Variants in ADK observed in about 807,000 individuals in gnomAD.
ADK encodes the protein adenosine kinase, also known as N6,N6-dimethyladenosine kinase.
ADK carries 24 observed loss-of-function variants against 44.7 expected under a neutral mutation model. That is an observed-to-expected ratio of 0.54 (90% CI 0.39 to 0.76). The LOEUF is 0.76. Among genes scored for constraint, ADK ranks in the 30% least tolerant of loss-of-function variants. ADK has a pLI of 0.00. For missense variants in ADK, 321 were observed against 425.1 expected, an observed-to-expected ratio of 0.76 and a Z score of 2.15; for synonymous variants, 128 against 142.6, an observed-to-expected ratio of 0.90 and a Z score of 0.73.
intron 4 of ADK, among the ~76,000 whole-genome samples, chr10:74,328,078 T>G (rs1841080919): frequency 6.6e-6 from 1 of 152,068 alleles, no homozygotes; most frequent in Non-Finnish European, 1.5e-5. Flanking sequence ...TCAGGCAATT[T>G]TTGTATTTTT....
intron 4 of ADK, chr10:74,344,540 T>TCTATCATGGTTGGA (rs1841696241): frequency 8.3e-6 from 2 of 240,400 alleles, no homozygotes; most frequent in South Asian, 1.5e-4. Flanking sequence ...CTAGGACTTC[T>TCTATCATGGTTGGA]CTATCATGGT....
At chr10:74,637,933 A>G (rs1282832733) in intron 9 of ADK, among the ~76,000 whole-genome samples, 1 of 152,208 alleles carries the variant, frequency 6.6e-6, no homozygotes, top group Non-Finnish European at 1.5e-5. Context: ...CCAGTTGTAC[A>G]CTTAAATAGT....
chr10:74,199,531 A>G (rs1374190752), intron 1 of ADK, among the ~76,000 whole-genome samples: 2 of 152,000 alleles, frequency 1.3e-5, no homozygotes, highest in Non-Finnish European at 2.9e-5. Context: ...TTCTTTTTTT[A>G]TGGCTGCATA....
At chr10:74,604,260 T>C (rs913822593) in intron 9 of ADK, among the ~76,000 whole-genome samples, 1 of 152,234 alleles carries the variant, frequency 6.6e-6, no homozygotes, top group African/African-American at 2.4e-5. Context: ...TTTAATTGGA[T>C]CCCATTTGTC....
rs1589220251 is a variant in ADK, at chr10:74,528,156, G to A, written c.726+2730G>A. Reference sequence around the variant, plus strand: ...ACAAACCTGAAAGTATAGATCAGAAGTTTCACTTGTTTCTCAGTTATTGAA... The same window carrying A: ...ACAAACCTGAAAGTATAGATCAGAAATTTCACTTGTTTCTCAGTTATTGAA... On this transcript the variant is annotated intron_variant, in intron 7 of 10. Transcript: ENST00000539909. 9.0e-6 allele frequency: 9 copies of A among 1,002,936 alleles called. No homozygotes were observed. The East Asian group carries it at 2.3e-4, about 26-fold the overall frequency. 62.1% of individuals were successfully genotyped at this position (1,002,936 alleles called of 1,614,324 possible).
intron 1 of ADK, chr10:74,176,967 C>G: frequency 6.3e-7 from 1 of 1,580,024 alleles, no homozygotes; most frequent in South Asian, 1.1e-5. Flanking sequence ...CTCCTTCTCG[C>G]GGGTGGTCTG....
At chr10:74,306,573 C>A (rs1177683283) in intron 3 of ADK, among the ~76,000 whole-genome samples, 1 of 152,186 alleles carries the variant, frequency 6.6e-6, no homozygotes, top group Non-Finnish European at 1.5e-5. Flanking sequence ...TATTTACCAA[C>A]ACTTTATATG....
At chr10:74,225,492 TA>T (rs1844500415) in intron 3 of ADK, among the ~76,000 whole-genome samples, 1 of 152,212 alleles carries the variant, frequency 6.6e-6, no homozygotes. Context: ...ACTTCAAGAC[TA>T]TTATTTTCTT....
intron 7 of ADK, among the ~76,000 whole-genome samples, chr10:74,550,390 ACT>A (rs2133776360): frequency 6.6e-6 from 1 of 151,826 alleles, no homozygotes; most frequent in South Asian, 2.1e-4. Context: ...ATCACTTTTG[ACT>A]CTGCCTTCAA....
chr10:74,326,489 CT>C (rs1243957176), intron 4 of ADK, among the ~76,000 whole-genome samples: 3 of 150,870 alleles, frequency 2.0e-5, no homozygotes, highest in African/African-American at 7.3e-5. Context: ...GTCTGAGCTA[CT>C]TGGGAGGCCT....
intron 10 of ADK, among the ~76,000 whole-genome samples, chr10:74,679,902 G>C (rs1298151260): frequency 2.0e-5 from 3 of 152,028 alleles, no homozygotes; most frequent in Non-Finnish European, 4.4e-5. Context: ...AGGTTGCAGT[G>C]AGCTGGGATG....
chr10:74,192,880 A>G (rs955211045), intron 1 of ADK, among the ~76,000 whole-genome samples: 4 of 152,176 alleles, frequency 2.6e-5, no homozygotes, highest in African/African-American at 9.7e-5. Context: ...TTCTCTGTGT[A>G]CTTAAGTTTT....
At chr10:74,295,888 C>G (rs914967695) in intron 3 of ADK, among the ~76,000 whole-genome samples, 2 of 152,070 alleles carry the variant, frequency 1.3e-5, no homozygotes, top group African/African-American at 4.8e-5. Flanking sequence ...AACCTTTTCC[C>G]TACAGTATCT....
At chr10:74,426,127 A>G (rs1004687723) in intron 6 of ADK, among the ~76,000 whole-genome samples, 1 of 152,118 alleles carries the variant, frequency 6.6e-6, no homozygotes, top group Non-Finnish European at 1.5e-5. Flanking sequence ...TATAATTTGC[A>G]TTATATCTAC....
At chr10:74,444,939 A>G (rs1314592030) in intron 6 of ADK, among the ~76,000 whole-genome samples, 1 of 152,076 alleles carries the variant, frequency 6.6e-6, no homozygotes, top group African/African-American at 2.4e-5. Context: ...CATGCAGAAG[A>G]TTAAAGGTGT....
chr10:74,697,215 C>T (rs1030566132), intron 10 of ADK, among the ~76,000 whole-genome samples: 7 of 152,062 alleles, frequency 4.6e-5, no homozygotes, highest in African/African-American at 1.4e-4. Flanking sequence ...ACAATTTCAG[C>T]GTAATATATA....
intron 1 of ADK, among the ~76,000 whole-genome samples, chr10:74,180,144 C>T (rs1490241007): frequency 1.3e-5 from 2 of 151,794 alleles, no homozygotes; most frequent in African/African-American, 4.8e-5. Context: ...GACCAATGGT[C>T]AGAATATCTT....
chr10:74,495,836 T>G (rs952621745), intron 6 of ADK, among the ~76,000 whole-genome samples: 3 of 152,220 alleles, frequency 2.0e-5, no homozygotes, highest in African/African-American at 7.2e-5. Flanking sequence ...ACTAGTTACC[T>G]GGTACCACCA....
chr10:74,368,443 T>A (rs1842561486), intron 4 of ADK, among the ~76,000 whole-genome samples: 1 of 152,108 alleles, frequency 6.6e-6, no homozygotes, highest in Non-Finnish European at 1.5e-5. Context: ...TTTTTTTAAC[T>A]TAATGTTTCT....
Sources: gnomAD v4.1 joint callset for allele counts (sites outside exome capture counted in the v4.1 genomes callset) on GRCh38, gnomAD v4.1.1 for gene constraint, MANE v1.5 for transcripts, NCBI Gene and HGNC (gene_info 2026-07-23, HGNC 2026-07-21) for gene names.